SRGAP1: variants seen among roughly 807,000 people sequenced by gnomAD.
The protein encoded by SRGAP1 is SLIT-ROBO Rho GTPase-activating protein 1.
In SRGAP1, 43 loss-of-function variants were observed where a neutral mutation model predicts 121.9. The observed-to-expected ratio is 0.35, with a 90% CI of 0.28 to 0.46. SRGAP1 has a LOEUF of 0.46. SRGAP1 is among the 20% of genes least tolerant of loss of function. The pLI is 1.00. For missense variants in SRGAP1, 1,102 were observed against 1,350.9 expected (o/e 0.82, Z 2.89); for synonymous variants, 447 against 485.4 (o/e 0.92, Z 1.04).
intron 15 of SRGAP1, among the ~76,000 whole-genome samples, chr12:64,104,654 A>AT (rs1177379120): frequency 1.3e-5 from 2 of 152,202 alleles, no homozygotes; most frequent in Non-Finnish European, 2.9e-5. Context: ...GCCAGGTAGA[A>AT]TTGGGAGTCC....
At position 64,063,304 on chromosome 12, in the gene SRGAP1, A is replaced by G. The variant is rs373824078; in HGVS notation, c.1023+166A>G. Among the ~76,000 whole-genome samples the G allele has an allele frequency of 5.9e-5, 9 of 152,340 alleles. No homozygotes were observed. The East Asian group carries it at 1.3e-3, about 23-fold the overall frequency. On this transcript the variant is annotated intron_variant, in intron 7 of 21. Transcript: ENST00000355086. The stretch of plus-strand genomic sequence containing the variant: ...ATTAGTCGCTACCGCCTTTTAAAGC[A>G]AACGTCAAACACTCAAATACCCACA...
chr12:64,141,287 A>AAAAAAAAAG (rs150192768), intron 21 of SRGAP1, among the ~76,000 whole-genome samples: 1 of 144,678 alleles, frequency 6.9e-6, no homozygotes, highest in African/African-American at 2.6e-5. Context: ...AAAAAAAAAA[A>AAAAAAAAAG]AAAGAAAAAC....
intron 10 of SRGAP1, among the ~76,000 whole-genome samples, chr12:64,084,764 A>G (rs1181797973): frequency 3.9e-5 from 6 of 152,206 alleles, no homozygotes; most frequent in African/African-American, 1.4e-4. Context: ...TATTGTTACA[A>G]AAATAGCAGA....
In SRGAP1 at chr12:64,043,434, T is replaced by G; in HGVS notation, c.673-13T>G. On this transcript the variant is annotated splice_polypyrimidine_tract_variant and intron_variant, in intron 5 of 21. Coordinates refer to ENST00000355086, the MANE Select transcript of SRGAP1 (RefSeq NM_020762.4). Reference sequence around the variant, plus strand: ...TGCATTCTTTCCCAATGCCTGGATCTTCTTCATTCCAGAGACAAGCAAAAT... The same window carrying G: ...TGCATTCTTTCCCAATGCCTGGATCGTCTTCATTCCAGAGACAAGCAAAAT... 1 of 1,604,236 alleles carries G rather than the reference T, an allele frequency of 6.2e-7. No homozygotes were observed. The highest frequency in any genetic ancestry group is 1.1e-5 in the South Asian group (1 of 88,410).
At chr12:64,011,108 G>A (rs1182634898) in intron 3 of SRGAP1, among the ~76,000 whole-genome samples, 3 of 151,978 alleles carry the variant, frequency 2.0e-5, no homozygotes, top group East Asian at 3.9e-4. Flanking sequence ...CTGAGACTTA[G>A]CAGTTTAGGA....
intron 4 of SRGAP1, among the ~76,000 whole-genome samples, chr12:64,026,818 A>G (rs1011483362): frequency 6.6e-6 from 1 of 151,476 alleles, no homozygotes; most frequent in Non-Finnish European, 1.5e-5. Context: ...GTGAGCAAAG[A>G]TTGCACCACC....
intron 3 of SRGAP1, among the ~76,000 whole-genome samples, chr12:63,995,641 T>C (rs1385057560): frequency 6.6e-6 from 1 of 152,078 alleles, no homozygotes; most frequent in African/African-American, 2.4e-5. Flanking sequence ...TCATCCAAGT[T>C]ATAGGGAGGG....
At chr12:64,045,108 TC>T (rs1443448598) in intron 6 of SRGAP1, among the ~76,000 whole-genome samples, 1 of 152,160 alleles carries the variant, frequency 6.6e-6, no homozygotes, top group Non-Finnish European at 1.5e-5. Context: ...TTTTCTTTTT[TC>T]ATTTATTACA....
intron 1 of SRGAP1, among the ~76,000 whole-genome samples, chr12:63,913,478 G>GATAT (rs143358798): frequency 7.6e-6 from 1 of 130,984 alleles, no homozygotes; most frequent in Non-Finnish European, 1.6e-5. Context: ...TATATATATG[G>GATAT]ATATATATAT....
At chr12:63,881,663 T>C (rs1377050111) in intron 1 of SRGAP1, among the ~76,000 whole-genome samples, 2 of 152,222 alleles carry the variant, frequency 1.3e-5, no homozygotes, top group Non-Finnish European at 2.9e-5. Flanking sequence ...TTTACCACTT[T>C]TTATCATCAC....
intron 1 of SRGAP1, among the ~76,000 whole-genome samples, chr12:63,943,678 G>A (rs2031943350): frequency 1.3e-5 from 2 of 152,078 alleles, no homozygotes; most frequent in Admixed American, 1.3e-4. Flanking sequence ...GTGGGCAAAG[G>A]TGATTGGTTT....
Position 63,985,278 on chromosome 12 carries a change from G to A in SRGAP1, c.263+1136G>A, listed in dbSNP as rs144839655. On this transcript the variant is annotated intron_variant, in intron 2 of 21. Coordinates refer to ENST00000355086, the MANE Select transcript of SRGAP1 (RefSeq NM_020762.4). ...AACATCATGGGCAAGGGGCCGGCAG[G>A]GAATGTACCACGCCTGGCTAAGGGA... Among the ~76,000 whole-genome samples the A allele has an allele frequency of 5.9e-3, 899 of 152,280 alleles. 8 individuals carry two copies. The highest frequency in any genetic ancestry group is 0.017 in the African/African-American group (723 of 41,556).
Position 64,109,054 on chromosome 12 carries a change from T to C in SRGAP1, c.1919+17T>C, listed in dbSNP as rs776220100. The C allele has an allele frequency of 2.7e-6, 4 of 1,474,018 alleles. No individual in the cohort carries two copies. The highest frequency in any genetic ancestry group is 1.9e-5 in the Admixed American group (1 of 54,026). The allele number at this position is 1,474,018 out of a possible 1,614,324, so 91.3% of individuals were successfully genotyped here. A position where few individuals can be genotyped will look rare whatever the true frequency, so the allele number is the denominator to read the frequency against. On this transcript the variant is annotated intron_variant, in intron 16 of 21. Transcript: ENST00000355086. ...CCTCAATCAGTAAGTACCTGAATGC[T>C]CTGACAAAAGGCCCATCTGAATTCT...
intron 1 of SRGAP1, among the ~76,000 whole-genome samples, chr12:63,920,399 G>C (rs1342450051): frequency 1.3e-5 from 2 of 152,174 alleles, no homozygotes; most frequent in Non-Finnish European, 2.9e-5. Context: ...GAGAGTCCTT[G>C]TGAATAAAGA....
chr12:63,906,559 C>T (rs573671878), intron 1 of SRGAP1, among the ~76,000 whole-genome samples: 29 of 152,164 alleles, frequency 1.9e-4, no homozygotes, highest in South Asian at 1.9e-3. Flanking sequence ...GTGATCTGCC[C>T]GCCTCGGCCT....
At position 64,142,484 on chromosome 12, in the gene SRGAP1, A is replaced by G; in HGVS notation, c.3070A>G (p.Ile1024Val). 6.2e-7 allele frequency: 1 copy of G among 1,614,154 alleles called. No homozygotes were observed. The highest frequency in any genetic ancestry group is 1.6e-4 in the Middle Eastern group (1 of 6,062). Residue 1024 changes from isoleucine to valine, a missense_variant, in exon 22 of 22, where the codon ATT becomes GTT. Ile to Val is a conservative substitution (Grantham distance 29, BLOSUM62 3). This residue lies in a region of SRGAP1 where 315 missense variants were observed against 343.1 expected (regional missense o/e 0.92). Transcript: ENST00000355086. ...TGCCCTCAGGAGCTCCGAGCCTCAG[A>G]TTCGACGTAGCACGAGCTCCTCCAG... ...NVALRSSEPQ[I>V]RRSTSSSSDT...
chr12:64,077,642 A>G (rs2035761765), intron 8 of SRGAP1, among the ~76,000 whole-genome samples: 2 of 152,074 alleles, frequency 1.3e-5, no homozygotes, highest in South Asian at 4.1e-4. Context: ...GTGAATAAAA[A>G]GACTACTAGG....
At chr12:64,137,080 A>G (rs887147391) in intron 21 of SRGAP1, among the ~76,000 whole-genome samples, 3 of 152,162 alleles carry the variant, frequency 2.0e-5, no homozygotes, top group Non-Finnish European at 2.9e-5. Flanking sequence ...CCTGGCCAAC[A>G]TGGTGAAACC....
rs574166248 is a variant in SRGAP1, at chr12:64,014,886, G to A, written c.427-2064G>A. On this transcript the variant is annotated intron_variant, in intron 3 of 21. Transcript: ENST00000355086. ...GGCTGGAGTGCAGTGCTGTGATCTCGGCTCACTGCAACCTCTGCCTCCTGG... is the reference window on the plus strand; with the variant it reads ...GGCTGGAGTGCAGTGCTGTGATCTCAGCTCACTGCAACCTCTGCCTCCTGG... Among the ~76,000 whole-genome samples the A allele has an allele frequency of 3.9e-5, 6 of 152,052 alleles. No homozygotes were observed. In the South Asian group the frequency reaches 1.2e-3, roughly 32 times the overall value.
Sources: allele counts gnomAD v4.1 joint callset (sites outside exome capture counted in the v4.1 genomes callset), GRCh38; gene constraint gnomAD v4.1.1; regional missense constraint gnomAD v4.1.1; transcripts MANE v1.5; gene names NCBI Gene and HGNC (gene_info 2026-07-23, HGNC 2026-07-21).